The following PACRG variants were observed in gnomAD, a reference collection of about 807,000 sequenced individuals.
The protein encoded by PACRG is parkin coregulated gene protein.
In PACRG, 29 loss-of-function variants were observed where a neutral mutation model predicts 29.7. That is an observed-to-expected ratio of 0.98 (90% CI 0.73 to 1.33). The LOEUF (loss-of-function observed/expected upper bound fraction) is 1.33, where lower values mean the gene tolerates loss of function less well. PACRG is among the 40% of genes most tolerant of loss of function. The pLI is 0.00. For missense variants in PACRG, 279 were observed against 316.2 expected, an observed-to-expected ratio of 0.88 and a Z score of 0.89; for synonymous variants, 116 against 118.7, an observed-to-expected ratio of 0.98 and a Z score of 0.15.
chr6:163,062,489 C>T (rs1242161093), intron 3 of PACRG, among the ~76,000 whole-genome samples, 168 bp downstream of exon 3: 1 of 152,146 alleles, frequency 6.6e-6, no homozygotes, highest in Non-Finnish European at 1.5e-5. Flanking sequence ...AAATATATCC[C>T]ATCATCAATA....
At chr6:163,094,983 C>T (rs184178071) in intron 4 of PACRG, among the ~76,000 whole-genome samples, 44 of 152,284 alleles carry the variant, frequency 2.9e-4, no homozygotes, top group Admixed American at 8.5e-4. Flanking sequence ...TCTCTATAAG[C>T]AGAGCTCCCA....
At chr6:162,796,145 A>G (rs1038682986) in intron 1 of PACRG, among the ~76,000 whole-genome samples, 5 of 152,308 alleles carry the variant, frequency 3.3e-5, no homozygotes, top group Admixed American at 6.5e-5. Flanking sequence ...GAGGACATCC[A>G]TATCTTCTTC....
Position 163,203,930 on chromosome 6 carries a change from C to T in PACRG, c.614-110897C>T, listed in dbSNP as rs1465564179. On this transcript the variant is annotated intron_variant, in intron 4 of 4. Coordinates refer to ENST00000366888, the MANE Select transcript of PACRG (RefSeq NM_001080379.2). ...TATAGTTGTTGGCGGCATTTCATAC[C>T]TGAGTGAGGTGTGATCATGTTTTAA... Among the ~76,000 whole-genome samples, 3 of 152,182 alleles carry T rather than the reference C, an allele frequency of 2.0e-5. No homozygotes were observed. In the East Asian group the frequency reaches 5.8e-4, roughly 29 times the overall value.
chr6:163,082,330 T>G (rs1196383246), intron 3 of PACRG, among the ~76,000 whole-genome samples: 2 of 152,174 alleles, frequency 1.3e-5, no homozygotes, highest in Non-Finnish European at 2.9e-5. Context: ...AATTATTCTC[T>G]AATTTTACCA....
intron 2 of PACRG, among the ~76,000 whole-genome samples, chr6:162,892,883 G>A (rs182502377): frequency 3.4e-5 from 5 of 146,822 alleles, no homozygotes; most frequent in African/African-American, 7.7e-5. Context: ...CTCAGCCTCA[G>A]GAGCCTCGGC....
chr6:163,294,229 T>C (rs183674297), intron 4 of PACRG, among the ~76,000 whole-genome samples: 77 of 152,282 alleles, frequency 5.1e-4, no homozygotes, highest in Middle Eastern at 3.4e-3. Flanking sequence ...AGAAAGTTAA[T>C]ATGCTATAAT....
chr6:163,132,336 T>C (rs758322781), intron 4 of PACRG, among the ~76,000 whole-genome samples: 1 of 152,200 alleles, frequency 6.6e-6, no homozygotes, highest in Non-Finnish European at 1.5e-5. Context: ...AACTTGCTAG[T>C]CCTAGCACCA....
intron 2 of PACRG, among the ~76,000 whole-genome samples, chr6:162,862,894 T>C (rs1170183492): frequency 6.6e-6 from 1 of 152,172 alleles, no homozygotes; most frequent in Non-Finnish European, 1.5e-5. Context: ...CTCTGTGCCC[T>C]TTTGCCTGGG....
rs868086086 is a variant in PACRG at position 162,833,778 on chromosome 6, T to C, written c.291+19497T>C. 3.9e-5 allele frequency among the ~76,000 whole-genome samples: 6 copies of C among 152,326 alleles called. No homozygotes were observed. In the South Asian group the frequency reaches 1.2e-3, roughly 32 times the overall value. ...TTTGAATTTTTAGGACTTTTTTCAGTATAACAGTTTTACTTTTACTGATGA... is the reference window on the plus strand; with the variant it reads ...TTTGAATTTTTAGGACTTTTTTCAGCATAACAGTTTTACTTTTACTGATGA... On this transcript the variant is annotated intron_variant, in intron 2 of 4. Transcript: ENST00000366888.
At chr6:162,877,124 A>T (rs942286833) in intron 2 of PACRG, among the ~76,000 whole-genome samples, 7 of 152,244 alleles carry the variant, frequency 4.6e-5, no homozygotes, top group African/African-American at 1.4e-4. Context: ...TACTATAAAG[A>T]CACATGCACA....
chr6:163,212,748 G>A (rs1329881068), intron 4 of PACRG, among the ~76,000 whole-genome samples: 2 of 68,164 alleles, frequency 2.9e-5, no homozygotes, highest in African/African-American at 6.0e-5. Context: ...AATTATAAAG[G>A]GAAGAAGAGT....
At chr6:162,994,979 G>T (rs1248838177) in intron 2 of PACRG, among the ~76,000 whole-genome samples, 2 of 150,152 alleles carry the variant, frequency 1.3e-5, no homozygotes, top group Non-Finnish European at 2.9e-5. Flanking sequence ...CTCAGCTGCA[G>T]GTCTGTTGGA....
At chr6:162,905,759 C>T (rs1795891118) in intron 2 of PACRG, among the ~76,000 whole-genome samples, 1 of 152,140 alleles carries the variant, frequency 6.6e-6, no homozygotes, top group Non-Finnish European at 1.5e-5. Context: ...GTGGGAGCTG[C>T]CCGAAGCACT....
At chr6:162,944,981 A>G (rs1431918306) in intron 2 of PACRG, among the ~76,000 whole-genome samples, 1 of 152,132 alleles carries the variant, frequency 6.6e-6, no homozygotes, top group African/African-American at 2.4e-5. Flanking sequence ...GATGAAGGAC[A>G]TTTACTGATC....
chr6:163,157,695 C>T (rs572040999), intron 4 of PACRG, among the ~76,000 whole-genome samples: 46 of 152,300 alleles, frequency 3.0e-4, no homozygotes, highest in East Asian at 1.4e-3. Context: ...AAAAAGGACA[C>T]GAACCAATGT....
intron 2 of PACRG, among the ~76,000 whole-genome samples, chr6:162,946,580 A>G (rs1403152538): frequency 2.0e-5 from 3 of 152,066 alleles, no homozygotes; most frequent in African/African-American, 7.2e-5. Context: ...ACTAACACCA[A>G]TTCTCAAACT....
At chr6:162,767,424 T>G (rs896640935) in intron 1 of PACRG, among the ~76,000 whole-genome samples, 4 of 151,918 alleles carry the variant, frequency 2.6e-5, no homozygotes, top group Non-Finnish European at 1.5e-5. Context: ...TTCTTCTTCC[T>G]TAAAGCCTAT....
intron 1 of PACRG, among the ~76,000 whole-genome samples, chr6:162,770,202 G>A (rs912187317): frequency 2.0e-5 from 3 of 152,096 alleles, no homozygotes; most frequent in Non-Finnish European, 4.4e-5. Context: ...ATTCTCCTCA[G>A]TGTTATATAT....
upstream of PACRG, chr6:162,727,921 G>A (rs1779393513): frequency 8.5e-6 from 5 of 591,062 alleles, no homozygotes; most frequent in South Asian, 8.1e-5. Flanking sequence ...TTCAGGCCCA[G>A]CAATCTTACG....
Sources: gnomAD v4.1 joint callset for allele counts (sites outside exome capture counted in the v4.1 genomes callset) on GRCh38, gnomAD v4.1.1 for gene constraint, MANE v1.5 for transcripts, NCBI Gene and HGNC (gene_info 2026-07-23, HGNC 2026-07-21) for gene names.